SUCLG2: variants seen among roughly 807,000 people sequenced by gnomAD.
SUCLG2 encodes succinate-CoA ligase GDP-forming subunit beta.
SUCLG2 carries 42 observed loss-of-function variants against 47.9 expected under a neutral mutation model. The ratio of observed to expected loss-of-function variants is 0.88; its 90% confidence interval spans 0.69 to 1.14. The LOEUF (loss-of-function observed/expected upper bound fraction) is 1.14, where lower values mean the gene tolerates loss of function less well. Among genes scored for constraint, SUCLG2 ranks in the 50% most tolerant of loss-of-function variants. The pLI, the probability that SUCLG2 is intolerant of heterozygous loss-of-function variation, is 0.00. For synonymous variants in SUCLG2, 195 were observed against 197.3 expected, an observed-to-expected ratio of 0.99 and a Z score of 0.10; for missense variants, 571 against 525.9, an observed-to-expected ratio of 1.09 and a Z score of -0.84.
intron 9 of SUCLG2, among the ~76,000 whole-genome samples, chr3:67,495,502 G>A (rs28534617): frequency 0.88 from 134,023 of 151,914 alleles, 59,646 homozygotes; most frequent in East Asian, 1. Context: ...AAATACAAAA[G>A]TTAGCTGGGC....
intron 1 of SUCLG2, among the ~76,000 whole-genome samples, chr3:67,646,532 G>T (rs7434004): frequency 0.35 from 52,800 of 151,800 alleles, 9,410 homozygotes; most frequent in Non-Finnish European, 0.36. Flanking sequence ...AAGATGGAGG[G>T]TGCAGTGAGC....
chr3:67,379,515 A>G (rs1257716174), intron 10 of SUCLG2, among the ~76,000 whole-genome samples: 1 of 152,164 alleles, frequency 6.6e-6, no homozygotes, highest in Non-Finnish European at 1.5e-5. Context: ...TGATCTTCTT[A>G]ATTTTTTGAG....
chr3:67,599,988 A>G (rs1306318532), intron 2 of SUCLG2, among the ~76,000 whole-genome samples: 1 of 152,252 alleles, frequency 6.6e-6, no homozygotes, highest in Non-Finnish European at 1.5e-5. Context: ...AAACATTGCC[A>G]ATGCCTGTTA....
intron 6 of SUCLG2, among the ~76,000 whole-genome samples, chr3:67,515,995 G>A (rs149663098): frequency 4.1e-4 from 62 of 151,494 alleles, no homozygotes; most frequent in Middle Eastern, 6.8e-3. Context: ...TCCTTTATCC[G>A]TCCCTCTTCC....
chr3:67,369,885 A>T (rs1337924917), downstream of SUCLG2, among the ~76,000 whole-genome samples: 2 of 152,196 alleles, frequency 1.3e-5, no homozygotes, highest in Admixed American at 1.3e-4. Flanking sequence ...GAGGCTGTTA[A>T]TCTGTACTAA....
intron 7 of SUCLG2, among the ~76,000 whole-genome samples, chr3:67,507,944 C>T (rs887618223): frequency 7.9e-5 from 12 of 152,154 alleles, no homozygotes; most frequent in Non-Finnish European, 1.3e-4. Context: ...GTGTGTAGAA[C>T]TCCACTTTAC....
At chr3:67,409,557 G>A (rs1351352579) in intron 9 of SUCLG2, among the ~76,000 whole-genome samples, 1 of 152,034 alleles carries the variant, frequency 6.6e-6, no homozygotes, top group Non-Finnish European at 1.5e-5. Flanking sequence ...AAGAGTCAAT[G>A]CAAGTGTATA....
chr3:67,475,934 T>C (rs185448379), intron 9 of SUCLG2, among the ~76,000 whole-genome samples: 27 of 152,120 alleles, frequency 1.8e-4, no homozygotes, highest in African/African-American at 5.5e-4. Flanking sequence ...AAGTATGATA[T>C]AGAAAGGCCA....
intron 10 of SUCLG2, among the ~76,000 whole-genome samples, chr3:67,380,680 A>AG (rs1217632703): frequency 1.8e-5 from 2 of 111,570 alleles, no homozygotes; most frequent in African/African-American, 3.2e-5. Flanking sequence ...AGAAGGGGAA[A>AG]GGGGGGTAGA....
intron 1 of SUCLG2, among the ~76,000 whole-genome samples, chr3:67,641,642 A>G (rs1243026934): frequency 6.6e-6 from 1 of 152,246 alleles, no homozygotes; most frequent in South Asian, 2.1e-4. Flanking sequence ...ACAAATGTAC[A>G]GACCACAAAA....
intron 9 of SUCLG2, among the ~76,000 whole-genome samples, chr3:67,401,846 C>T (rs1217279260): frequency 6.6e-6 from 1 of 152,102 alleles, no homozygotes; most frequent in Admixed American, 6.5e-5. Context: ...TTACCTACAC[C>T]AAACATATGA....
intron 2 of SUCLG2, among the ~76,000 whole-genome samples, chr3:67,601,048 A>G (rs944294289): frequency 9.2e-5 from 14 of 152,260 alleles, no homozygotes; most frequent in Non-Finnish European, 1.6e-4. Flanking sequence ...TCTAGAGATT[A>G]TCATAAAACC....
At chr3:67,490,654 T>C (rs1047906987) in intron 9 of SUCLG2, among the ~76,000 whole-genome samples, 1 of 152,226 alleles carries the variant, frequency 6.6e-6, no homozygotes, top group South Asian at 2.1e-4. Context: ...ATCTAAGTTT[T>C]GGAAGTGATA....
chr3:67,488,361 G>A (rs903743334), intron 9 of SUCLG2, among the ~76,000 whole-genome samples: 1 of 152,136 alleles, frequency 6.6e-6, no homozygotes, highest in South Asian at 2.1e-4. Flanking sequence ...TCTGACAGTG[G>A]GTGGGGCAGC....
intron 2 of SUCLG2, among the ~76,000 whole-genome samples, chr3:67,580,838 C>G (rs1707862878): frequency 4.6e-5 from 7 of 152,032 alleles, no homozygotes; most frequent in Admixed American, 3.9e-4. Context: ...CAAGTGTAAC[C>G]CAATAAATGT....
chr3:67,422,472 T>TAAAAAAAAAAAAAAAAAAAAAAAAAA (rs1559520249), intron 9 of SUCLG2, among the ~76,000 whole-genome samples: 3 of 12,324 alleles, frequency 2.4e-4, no homozygotes, highest in African/African-American at 1.1e-3. Context: ...AGACTCCATC[T>TAAAAAAAAAAAAAAAAAAAAAAAAAA]CAAAAAAAAA....
chr3:67,526,578 C>T (rs775950818), intron 4 of SUCLG2, among the ~76,000 whole-genome samples: 6 of 152,110 alleles, frequency 3.9e-5, no homozygotes, highest in Non-Finnish European at 2.9e-5. Flanking sequence ...CTACAGATGG[C>T]AAATAAGCAC....
intron 1 of SUCLG2, among the ~76,000 whole-genome samples, chr3:67,618,231 C>CCAA (rs1431834297): frequency 6.6e-6 from 1 of 152,050 alleles, no homozygotes; most frequent in Non-Finnish European, 1.5e-5. Flanking sequence ...ACCATCCTGG[C>CCAA]CAACATGGTG....
chr3:67,508,020 T>C (rs1156688981), intron 7 of SUCLG2, among the ~76,000 whole-genome samples: 1 of 152,234 alleles, frequency 6.6e-6, no homozygotes, highest in Non-Finnish European at 1.5e-5. Flanking sequence ...GAATATTTGC[T>C]GTATGCAAGA....
Sources: allele counts gnomAD v4.1 joint callset (sites outside exome capture counted in the v4.1 genomes callset), GRCh38; gene constraint gnomAD v4.1.1; transcripts MANE v1.5; gene names NCBI Gene and HGNC (gene_info 2026-07-23, HGNC 2026-07-21).